Variants in PPP1CB observed in about 807,000 individuals in gnomAD.
PPP1CB encodes the protein protein phosphatase 1 catalytic subunit beta.
In PPP1CB, 2 loss-of-function variants were observed where a neutral mutation model predicts 43.7. The observed-to-expected ratio is 0.05, with a 90% confidence interval of 0.02 to 0.14. The LOEUF is 0.14. Among genes scored for constraint, PPP1CB ranks in the 10% least tolerant of loss-of-function variants. The probability of loss-of-function intolerance (pLI) is 1.00; values close to 1 mark genes in which losing one functional copy is unlikely to be tolerated. For synonymous variants in PPP1CB, 136 were observed against 135.6 expected (o/e 1.00, Z -0.02); for missense variants, 84 against 398.0 (o/e 0.21, Z 6.71).
intron 6 of PPP1CB, among the ~76,000 whole-genome samples, chr2:28,789,945 G>C (rs1667351928): frequency 6.6e-6 from 1 of 152,068 alleles, no homozygotes; most frequent in Non-Finnish European, 1.5e-5. Flanking sequence ...ATTTTGATAA[G>C]AGCAAACCAC....
intron 7 of PPP1CB, among the ~76,000 whole-genome samples, chr2:28,797,043 G>A (rs183359560): frequency 8.3e-4 from 127 of 152,204 alleles, no homozygotes; most frequent in African/African-American, 2.9e-3. Flanking sequence ...TGATCATATG[G>A]TGTTTGTTTT....
intron 1 of PPP1CB, among the ~76,000 whole-genome samples, chr2:28,755,492 G>C (rs1017531035): frequency 7.9e-5 from 12 of 152,298 alleles, no homozygotes; most frequent in Admixed American, 2.6e-4. Context: ...AAAAACCAAA[G>C]ACTTCTACTT....
chr2:28,767,539 G>A (rs1459683370), intron 1 of PPP1CB, among the ~76,000 whole-genome samples: 2 of 152,076 alleles, frequency 1.3e-5, no homozygotes, highest in African/African-American at 2.4e-5. Context: ...AGCAATAATC[G>A]TGACACCCAT....
At chr2:28,767,413 AATAAC>A (rs1486752308) in intron 1 of PPP1CB, among the ~76,000 whole-genome samples, 3 of 152,214 alleles carry the variant, frequency 2.0e-5, no homozygotes, top group Non-Finnish European at 2.9e-5. Flanking sequence ...CACCCAATTA[AATAAC>A]ATAATCCACA....
intron 1 of PPP1CB, among the ~76,000 whole-genome samples, chr2:28,766,949 C>T (rs189305537): frequency 0.014 from 2,059 of 152,006 alleles, 54 homozygotes; most frequent in African/African-American, 0.047. Context: ...GGCGTGGTGG[C>T]GGGCACCTGT....
intron 7 of PPP1CB, among the ~76,000 whole-genome samples, chr2:28,794,873 T>C (rs532049513): frequency 6.6e-6 from 1 of 152,264 alleles, no homozygotes; most frequent in Non-Finnish European, 1.5e-5. Flanking sequence ...ACGTACTAGG[T>C]TCAGGGGTTA....
At chr2:28,792,992 G>C (rs1050091446) in intron 6 of PPP1CB, among the ~76,000 whole-genome samples, 3 of 152,138 alleles carry the variant, frequency 2.0e-5, no homozygotes, top group African/African-American at 7.2e-5. Context: ...GATGACCTGA[G>C]GTCAGGAGTT....
intron 5 of PPP1CB, among the ~76,000 whole-genome samples, chr2:28,784,754 A>G (rs1667224014): frequency 6.6e-6 from 1 of 151,778 alleles, no homozygotes; most frequent in Non-Finnish European, 1.5e-5. Context: ...CCCCATCTCT[A>G]CTAAAAATAA....
intron 5 of PPP1CB, among the ~76,000 whole-genome samples, chr2:28,785,064 G>C (rs1326261449): frequency 1.1e-5 from 1 of 93,798 alleles, no homozygotes. Context: ...TGTGTTAGGA[G>C]CTTTTTTTTT....
chr2:28,794,430 CCT>C (rs1187418972), intron 7 of PPP1CB, among the ~76,000 whole-genome samples: 3 of 152,148 alleles, frequency 2.0e-5, no homozygotes, highest in Admixed American at 6.5e-5. Flanking sequence ...GTGGCTCACT[CCT>C]GTAATCCCAG....
At position 28,790,574 on chromosome 2, in the gene PPP1CB, A is replaced by G. The variant is rs544772029; in HGVS notation, c.744+1765A>G. Among the ~76,000 whole-genome samples, 254 of 152,258 alleles carry G rather than the reference A, an allele frequency of 1.7e-3. 1 individual carries two copies. The highest frequency in any genetic ancestry group is 1.4e-3 in the Non-Finnish European group (93 of 68,024). On this transcript the variant is annotated intron_variant, in intron 6 of 7. Transcript: ENST00000395366. ...AGGCTGATCTCAAACTCCTGACCCC[A>G]GGTGATCTGCCCACCTCAGCCTCCC...
rs1246392995 is a variant in PPP1CB, at chr2:28,778,644, A to C, written c.185-165A>C. The C allele has an allele frequency of 5.1e-6, 3 of 592,068 alleles. No individual in the cohort carries two copies. In the Admixed American group the frequency reaches 8.8e-5, roughly 17 times the overall value. The allele number at this position is 592,068 out of a possible 1,614,324, so 36.7% of individuals were successfully genotyped here. ...CAGTCTTTTGTAACTTAATCTTGGA[A>C]GTGACAGCCCATCTCACTTTCGCTT... On this transcript the variant is annotated intron_variant, in intron 2 of 7. Coordinates refer to ENST00000395366, the MANE Select transcript of PPP1CB (RefSeq NM_002709.3).
intron 1 of PPP1CB, among the ~76,000 whole-genome samples, chr2:28,775,872 A>G (rs918404177): frequency 2.0e-5 from 3 of 152,184 alleles, no homozygotes; most frequent in Non-Finnish European, 4.4e-5. Flanking sequence ...ACTGGAAACC[A>G]TATTATCTTA....
chr2:28,765,742 C>T (rs965263795), intron 1 of PPP1CB, among the ~76,000 whole-genome samples: 3 of 152,264 alleles, frequency 2.0e-5, no homozygotes, highest in Admixed American at 6.5e-5. Flanking sequence ...CATAGTGAGA[C>T]CTTGTCTTTA....
At position 28,751,877 on chromosome 2, in the gene PPP1CB, A is replaced by T; in HGVS notation, c.-248A>T. On this transcript the variant is annotated 5_prime_UTR_variant, in exon 1 of 8. Coordinates refer to ENST00000395366, the MANE Select transcript of PPP1CB (RefSeq NM_002709.3). Reference sequence around the variant, plus strand: ...AGGAGGAGGTGGCGGCCTGGGTCTGACGCGGCCCTGTTCGAGGGGGCCTCT... The same window carrying T: ...AGGAGGAGGTGGCGGCCTGGGTCTGTCGCGGCCCTGTTCGAGGGGGCCTCT... The T allele has an allele frequency of 1.8e-6, 1 of 571,036 alleles. No homozygotes were observed. The highest frequency in any genetic ancestry group is 3.2e-6 in the Non-Finnish European group (1 of 313,014). The allele number at this position is 571,036 out of a possible 1,614,324, so 35.4% of individuals were successfully genotyped here.
At chr2:28,788,383 ATTG>A (rs1360182759) in intron 5 of PPP1CB, among the ~76,000 whole-genome samples, 4 of 152,198 alleles carry the variant, frequency 2.6e-5, no homozygotes, top group African/African-American at 4.8e-5. Flanking sequence ...TTTTCCATGT[ATTG>A]TTGTGCTGTA....
intron 1 of PPP1CB, among the ~76,000 whole-genome samples, chr2:28,761,656 G>T (rs1341948500): frequency 6.6e-6 from 1 of 152,134 alleles, no homozygotes; most frequent in Non-Finnish European, 1.5e-5. Flanking sequence ...TCCACTTTCT[G>T]TTTATTGCAT....
At chr2:28,779,129 T>A in intron 3 of PPP1CB, 90 bp downstream of exon 3, 1 of 997,364 alleles carries the variant, frequency 1.0e-6, no homozygotes. Flanking sequence ...ATTCAGAGTT[T>A]TTTCAAAATA....
chr2:28,783,043 G>A (rs188645296), intron 4 of PPP1CB, among the ~76,000 whole-genome samples: 2 of 152,338 alleles, frequency 1.3e-5, no homozygotes, highest in African/African-American at 4.8e-5. Context: ...TACTTGGATT[G>A]CCTATCAGAG....
Sources: gnomAD v4.1 joint callset for allele counts (sites outside exome capture counted in the v4.1 genomes callset) on GRCh38, gnomAD v4.1.1 for gene constraint, MANE v1.5 for transcripts, NCBI Gene and HGNC (gene_info 2026-07-23, HGNC 2026-07-21) for gene names.